The following FAM117B variants were observed in gnomAD, a reference collection of about 807,000 sequenced individuals.
FAM117B encodes the protein protein FAM117B.
In FAM117B, 22 loss-of-function variants were observed where a neutral mutation model predicts 52.8. That is an observed-to-expected ratio of 0.42 (90% confidence interval 0.30 to 0.59). The LOEUF is 0.59. Among genes scored for constraint, FAM117B ranks in the 20% least tolerant of loss-of-function variants. The pLI is 0.22. For synonymous variants in FAM117B, 309 were observed against 324.1 expected, an observed-to-expected ratio of 0.95 and a Z score of 0.50; for missense variants, 678 against 802.6, an observed-to-expected ratio of 0.84 and a Z score of 1.88.
intron 2 of FAM117B, among the ~76,000 whole-genome samples, chr2:202,703,581 C>T (rs913677152): frequency 6.6e-6 from 1 of 152,138 alleles, no homozygotes; most frequent in Non-Finnish European, 1.5e-5. Context: ...GTCTAGAAGT[C>T]CTGGCCCCAA....
At chr2:202,737,138 T>A (rs959769210) in intron 4 of FAM117B, among the ~76,000 whole-genome samples, 2 of 152,018 alleles carry the variant, frequency 1.3e-5, no homozygotes, top group Non-Finnish European at 2.9e-5. Flanking sequence ...ACCTAACTTT[T>A]AAGGTATACC....
intron 1 of FAM117B, among the ~76,000 whole-genome samples, chr2:202,685,951 A>C (rs2105772330): frequency 6.6e-6 from 1 of 152,364 alleles, no homozygotes; most frequent in South Asian, 2.1e-4. Context: ...AAATTAAAAA[A>C]TGCTATTCGA....
At chr2:202,717,271 G>C (rs562201339) in intron 2 of FAM117B, among the ~76,000 whole-genome samples, 2 of 152,138 alleles carry the variant, frequency 1.3e-5, no homozygotes, top group African/African-American at 2.4e-5. Flanking sequence ...AGGAGTTTGC[G>C]ACCAGCCTGG....
At position 202,634,973 on chromosome 2, in the gene FAM117B, G is replaced by T. The variant is rs893744138; in HGVS notation, c.-215G>T. ...ATCGTGGGGGGCGGGGGCAGCAGAGGAGACACTATTGTTGATGAGGAGCGG... is the reference window on the plus strand; with the variant it reads ...ATCGTGGGGGGCGGGGGCAGCAGAGTAGACACTATTGTTGATGAGGAGCGG... On this transcript the variant is annotated 5_prime_UTR_variant, in exon 1 of 8. Coordinates refer to ENST00000392238, the MANE Select transcript of FAM117B (RefSeq NM_173511.4). Among the ~76,000 whole-genome samples, 1 of 151,350 alleles carries T rather than the reference G, an allele frequency of 6.6e-6. No individual in the cohort carries two copies. Among genetic ancestry groups the T allele is most frequent in the Admixed American group, 6.6e-5 (1 of 15,216 alleles).
At chr2:202,682,413 C>T (rs1690475821) in intron 1 of FAM117B, among the ~76,000 whole-genome samples, 1 of 152,170 alleles carries the variant, frequency 6.6e-6, no homozygotes. Flanking sequence ...CTCTTGCTGA[C>T]ACCCAAAAGC....
chr2:202,725,221 C>G (rs1441061445), intron 3 of FAM117B: 4 of 325,634 alleles, frequency 1.2e-5, no homozygotes, highest in Non-Finnish European at 2.3e-5. Context: ...GTATGTTTGT[C>G]TTTTTTTAGG....
At chr2:202,730,968 AT>A (rs1449501089) in intron 4 of FAM117B, among the ~76,000 whole-genome samples, 2 of 152,212 alleles carry the variant, frequency 1.3e-5, no homozygotes, top group African/African-American at 4.8e-5. Context: ...AACCCACAGA[AT>A]AGGATAACCC....
rs1227543413 is a variant in FAM117B at position 202,759,229 on chromosome 2, G to A, written c.1331-4G>A. ...GTAGTAATCTAATGTGTCATTTCTT[G>A]CAGAGAATGGGAACAATTCTCCTTT... On this transcript the variant is annotated splice_region_variant and splice_polypyrimidine_tract_variant and intron_variant, in intron 6 of 7. Transcript: ENST00000392238. The A allele has an allele frequency of 6.2e-7, 1 of 1,613,656 alleles. No homozygotes were observed. The highest frequency in any genetic ancestry group is 1.1e-5 in the South Asian group (1 of 90,978).
At chr2:202,672,700 T>G (rs549020691) in intron 1 of FAM117B, among the ~76,000 whole-genome samples, 11 of 152,290 alleles carry the variant, frequency 7.2e-5, no homozygotes, top group Non-Finnish European at 1.5e-4. Flanking sequence ...TTGGTATCTA[T>G]GTATATCATA....
At chr2:202,707,070 G>T (rs1184712390) in intron 2 of FAM117B, among the ~76,000 whole-genome samples, 1 of 151,680 alleles carries the variant, frequency 6.6e-6, no homozygotes, top group Admixed American at 6.6e-5. Context: ...ATTTTTTTAG[G>T]GTTTTGCTTG....
At chr2:202,710,267 C>T (rs1442236791) in intron 2 of FAM117B, among the ~76,000 whole-genome samples, 1 of 151,964 alleles carries the variant, frequency 6.6e-6, no homozygotes, top group Admixed American at 6.6e-5. Flanking sequence ...CATGAAATGC[C>T]TGTTTGTTTA....
intron 1 of FAM117B, among the ~76,000 whole-genome samples, chr2:202,644,713 A>T (rs1689834335): frequency 6.6e-6 from 1 of 152,198 alleles, no homozygotes; most frequent in African/African-American, 2.4e-5. Context: ...ATAGAATTAG[A>T]ATTGTAGGTT....
intron 2 of FAM117B, among the ~76,000 whole-genome samples, chr2:202,709,333 G>A (rs1483650027): frequency 4.0e-5 from 6 of 151,890 alleles, no homozygotes; most frequent in Non-Finnish European, 7.4e-5. Flanking sequence ...CTCCCAAATA[G>A]CTGGGATTAC....
chr2:202,665,654 G>T (rs540213647), intron 1 of FAM117B, among the ~76,000 whole-genome samples: 11 of 152,302 alleles, frequency 7.2e-5, no homozygotes, highest in Admixed American at 7.2e-4. Flanking sequence ...AGGCTGGAGT[G>T]CAGTGGTGCA....
Position 202,703,896 on chromosome 2 carries a change from T to G in FAM117B, c.753+7864T>G, listed in dbSNP as rs1690834113. ...TTAGTTTTTAGAGGAACTGCCAAAC[T>G]TTTTCACAGCAGCTGTATCATTTTC... On this transcript the variant is annotated intron_variant, in intron 2 of 7. Transcript: ENST00000392238. 2.0e-5 allele frequency among the ~76,000 whole-genome samples: 3 copies of G among 152,212 alleles called. No individual in the cohort carries two copies. The South Asian group carries it at 6.2e-4, about 31-fold the overall frequency.
intron 2 of FAM117B, among the ~76,000 whole-genome samples, chr2:202,696,372 A>T (rs1690712413): frequency 6.6e-6 from 1 of 152,188 alleles, no homozygotes; most frequent in African/African-American, 2.4e-5. Flanking sequence ...AAGACGAAGA[A>T]TTGTATTGGG....
intron 2 of FAM117B, among the ~76,000 whole-genome samples, chr2:202,705,968 T>G (rs1690863606): frequency 6.6e-6 from 1 of 152,222 alleles, no homozygotes; most frequent in Non-Finnish European, 1.5e-5. Flanking sequence ...TAACTTTTTG[T>G]GACCCACGTG....
intron 1 of FAM117B, among the ~76,000 whole-genome samples, chr2:202,695,124 T>G (rs1055277466): frequency 6.6e-6 from 1 of 152,172 alleles, no homozygotes; most frequent in East Asian, 1.9e-4. Context: ...GCCCAATCCC[T>G]GGAGATTTAG....
intron 3 of FAM117B, among the ~76,000 whole-genome samples, chr2:202,725,930 A>G (rs1367101857): frequency 6.6e-6 from 1 of 152,244 alleles, no homozygotes; most frequent in African/African-American, 2.4e-5. Context: ...AATAAAAATT[A>G]ACTTATGGTA....
Sources: gnomAD v4.1 joint callset for allele counts (sites outside exome capture counted in the v4.1 genomes callset) on GRCh38, gnomAD v4.1.1 for gene constraint, MANE v1.5 for transcripts, NCBI Gene and HGNC (gene_info 2026-07-23, HGNC 2026-07-21) for gene names.